DUSP10: variants seen among roughly 807,000 people sequenced by gnomAD.
DUSP10 encodes dual specificity protein phosphatase 10.
In DUSP10, 14 loss-of-function variants were observed where a neutral mutation model predicts 30.8. The observed-to-expected ratio is 0.46, with a 90% CI of 0.30 to 0.71. The LOEUF (loss-of-function observed/expected upper bound fraction) is 0.71, where lower values mean the gene tolerates loss of function less well. Ranked by LOEUF, DUSP10 falls within the 30% of genes least tolerant of loss-of-function variation. The pLI is 0.08. For missense variants in DUSP10, 550 were observed against 619.4 expected, an observed-to-expected ratio of 0.89 and a Z score of 1.19; for synonymous variants, 254 against 250.4, an observed-to-expected ratio of 1.01 and a Z score of -0.14.
At chr1:221,733,107 G>A (rs566127847) in intron 2 of DUSP10, among the ~76,000 whole-genome samples, 2 of 152,328 alleles carry the variant, frequency 1.3e-5, no homozygotes, top group African/African-American at 2.4e-5. Context: ...GGGCTTGGAG[G>A]TTCTGGCTTC....
intron 2 of DUSP10, among the ~76,000 whole-genome samples, chr1:221,708,058 C>T (rs1342317477): frequency 1.3e-5 from 2 of 152,194 alleles, no homozygotes; most frequent in Non-Finnish European, 2.9e-5. Context: ...AGCTCTAACC[C>T]TACTCAAACA....
In DUSP10 at chr1:221,718,447, C is replaced by T. The variant is rs926228431; in HGVS notation, c.812-11981G>A. Among the ~76,000 whole-genome samples the T allele has an allele frequency of 7.9e-5, 12 of 151,972 alleles. No homozygotes were observed. In the East Asian group the frequency reaches 1.9e-3, roughly 24 times the overall value. On this transcript the variant is annotated intron_variant, in intron 2 of 3. Coordinates refer to ENST00000366899, the MANE Select transcript of DUSP10 (RefSeq NM_007207.6). ...CTTAATACTGGTTAATCCATCAAGA[C>T]GGATTAAAGGAGGGGGAAAAATCCA...
At chr1:221,726,180 TG>T (rs896706013) in intron 2 of DUSP10, among the ~76,000 whole-genome samples, 1 of 152,080 alleles carries the variant, frequency 6.6e-6, no homozygotes, top group East Asian at 1.9e-4. Flanking sequence ...GAAAGAGAAT[TG>T]GGGGGAAAAA....
At chr1:221,712,777 C>CAAAAAAACAAAA (rs1660978149) in intron 2 of DUSP10, among the ~76,000 whole-genome samples, 1 of 56,950 alleles carries the variant, frequency 1.8e-5, no homozygotes, top group Non-Finnish European at 3.1e-5. Flanking sequence ...TATAAAGCAG[C>CAAAAAAACAAAA]AAAAAAAAAA....
At chr1:221,717,810 G>A (rs1190745295) in intron 2 of DUSP10, among the ~76,000 whole-genome samples, 1 of 152,114 alleles carries the variant, frequency 6.6e-6, no homozygotes, top group Admixed American at 6.5e-5. Flanking sequence ...ACCCAACCAT[G>A]CTGGCACCCC....
At chr1:221,718,533 C>T (rs1326661248) in intron 2 of DUSP10, among the ~76,000 whole-genome samples, 1 of 152,166 alleles carries the variant, frequency 6.6e-6, no homozygotes, top group Non-Finnish European at 1.5e-5. Flanking sequence ...TGCTATAAAA[C>T]ACAAAGCCAT....
At chr1:221,727,636 C>T (rs1274382373) in intron 2 of DUSP10, among the ~76,000 whole-genome samples, 1 of 152,114 alleles carries the variant, frequency 6.6e-6, no homozygotes, top group Non-Finnish European at 1.5e-5. Flanking sequence ...TAAAGTCATC[C>T]TGGGGTTGTT....
chr1:221,737,417 G>A lies in DUSP10; in HGVS notation c.811+1517C>T. 3.0e-6 allele frequency: 3 copies of A among 985,236 alleles called. No homozygotes were observed. The South Asian group carries it at 1.4e-4, about 46-fold the overall frequency. The allele number at this position is 985,236 out of a possible 1,614,324, so 61.0% of individuals were successfully genotyped here. ...ACATCAAGATTATGGTAAGACAATA[G>A]CAGGGTAAATATCCTGGGAATCACT... is the stretch of plus-strand genomic sequence containing the variant. On this transcript the variant is annotated intron_variant, in intron 2 of 3. Coordinates refer to ENST00000366899, the MANE Select transcript of DUSP10 (RefSeq NM_007207.6).
chr1:221,714,697 C>G (rs1401645348), intron 2 of DUSP10, among the ~76,000 whole-genome samples: 1 of 152,190 alleles, frequency 6.6e-6, no homozygotes, highest in Non-Finnish European at 1.5e-5. Context: ...GAAGTCACCT[C>G]TCTCTCACTA....
chr1:221,714,406 G>A (rs1661032604), intron 2 of DUSP10, among the ~76,000 whole-genome samples: 1 of 152,308 alleles, frequency 6.6e-6, no homozygotes. Context: ...GATGCCAGCA[G>A]GAAAGAATTA....
intron 2 of DUSP10, among the ~76,000 whole-genome samples, chr1:221,720,292 C>G (rs1186892381): frequency 9.2e-5 from 14 of 152,176 alleles, no homozygotes. Flanking sequence ...CATTCAGCCG[C>G]ATCCCCCAAC....
intron 2 of DUSP10, among the ~76,000 whole-genome samples, chr1:221,707,507 T>C (rs1221758216): frequency 1.3e-5 from 2 of 152,176 alleles, no homozygotes; most frequent in Non-Finnish European, 1.5e-5. Context: ...GGGTCTAGTA[T>C]AAAAAGCTTA....
intron 2 of DUSP10, among the ~76,000 whole-genome samples, chr1:221,714,481 T>C (rs984000495): frequency 1.2e-4 from 18 of 152,072 alleles, no homozygotes; most frequent in African/African-American, 4.1e-4. Context: ...ACGTGTACAG[T>C]AAGGAGCAGA....
rs943342402 is a variant in DUSP10, at chr1:221,727,851, G to A, written c.811+11083C>T. Among the ~76,000 whole-genome samples the A allele has an allele frequency of 2.0e-5, 3 of 152,060 alleles. No homozygotes were observed. The East Asian group carries it at 5.8e-4, about 29-fold the overall frequency. On this transcript the variant is annotated intron_variant, in intron 2 of 3. Coordinates refer to ENST00000366899, the MANE Select transcript of DUSP10 (RefSeq NM_007207.6). ...GTCCCCCTCCCTTCCCCTCTCACTG[G>A]AGGACCTGAGTGTTTGGGGTGACCT...
intron 2 of DUSP10, among the ~76,000 whole-genome samples, chr1:221,728,026 C>A (rs1661475554): frequency 6.6e-6 from 1 of 152,156 alleles, no homozygotes; most frequent in South Asian, 2.1e-4. Context: ...ATTGCATGGC[C>A]ATTCCATGGA....
At chr1:221,708,049 G>C (rs903193647) in intron 2 of DUSP10, among the ~76,000 whole-genome samples, 3 of 152,202 alleles carry the variant, frequency 2.0e-5, no homozygotes, top group Non-Finnish European at 4.4e-5. Flanking sequence ...TGCCAACTGA[G>C]CTCTAACCCT....
At chr1:221,721,124 A>G (rs538789420) in intron 2 of DUSP10, among the ~76,000 whole-genome samples, 1 of 152,364 alleles carries the variant, frequency 6.6e-6, no homozygotes, top group South Asian at 2.1e-4. Flanking sequence ...CAAGAATTAA[A>G]TCAGCTACTA....
chr1:221,721,251 A>C (rs576014596), intron 2 of DUSP10, among the ~76,000 whole-genome samples: 1 of 152,214 alleles, frequency 6.6e-6, no homozygotes, highest in Non-Finnish European at 1.5e-5. Flanking sequence ...ATGAGATAGG[A>C]CCAGTTTATT....
At chr1:221,723,183 C>G (rs12724393) in intron 2 of DUSP10, among the ~76,000 whole-genome samples, 50,061 of 151,986 alleles carry the variant, frequency 0.33, 8,563 homozygotes, top group Non-Finnish European at 0.38. Flanking sequence ...AGATTACAGC[C>G]TGAAGGGTTT....
Sources: gnomAD v4.1 joint callset for allele counts (sites outside exome capture counted in the v4.1 genomes callset) on GRCh38, gnomAD v4.1.1 for gene constraint, MANE v1.5 for transcripts, NCBI Gene and HGNC (gene_info 2026-07-23, HGNC 2026-07-21) for gene names.